BRI3BP: variants seen among roughly 807,000 people sequenced by gnomAD.
The protein encoded by BRI3BP is BRI3-binding protein.
A neutral mutation model predicts 15.8 loss-of-function variants in BRI3BP; 7 were observed. That is an observed-to-expected ratio of 0.44 (90% CI 0.25 to 0.83). BRI3BP has a LOEUF of 0.83. BRI3BP is among the 40% of genes least tolerant of loss of function. The probability of loss-of-function intolerance (pLI) is 0.20; values close to 1 mark genes in which losing one functional copy is unlikely to be tolerated. For missense variants in BRI3BP, 320 were observed against 339.3 expected (o/e 0.94, Z 0.45); for synonymous variants, 192 against 163.5 (o/e 1.17, Z -1.33).
At chr12:125,000,540 C>T (rs914720293) in intron 1 of BRI3BP, among the ~76,000 whole-genome samples, 2 of 150,996 alleles carry the variant, frequency 1.3e-5, no homozygotes, top group East Asian at 1.9e-4. Flanking sequence ...GTCTCGATCT[C>T]CTGACCTCAT....
Position 124,993,774 on chromosome 12 carries a change from C to G in BRI3BP, c.-17C>G. On this transcript the variant is annotated 5_prime_UTR_variant, in exon 1 of 3. Transcript: ENST00000341446. Reference sequence around the variant, plus strand: ...GCCCTCACCCCGCATCGCGACCCCGCGCCCCGCCGGCCGAGCATGGGCGCG... The same window carrying G: ...GCCCTCACCCCGCATCGCGACCCCGGGCCCCGCCGGCCGAGCATGGGCGCG... 9.9e-7 allele frequency: 1 copy of G among 1,009,692 alleles called. No homozygotes were observed. Among genetic ancestry groups the G allele is most frequent in the Non-Finnish European group, 1.2e-6 (1 of 848,580 alleles). The allele number at this position is 1,009,692 out of a possible 1,614,324, so 62.5% of individuals were successfully genotyped here. A position where few individuals can be genotyped will look rare whatever the true frequency, so the allele number is the denominator to read the frequency against.
At chr12:124,999,598 AT>A (rs1955067115) in intron 1 of BRI3BP, among the ~76,000 whole-genome samples, 1 of 143,274 alleles carries the variant, frequency 7.0e-6, no homozygotes, top group Non-Finnish European at 1.5e-5. Flanking sequence ...TAAGTTTTTT[AT>A]TTTTTATTTT....
chr12:124,994,056 G>A, intron 1 of BRI3BP, 53 bp downstream of exon 1: 6 of 1,151,848 alleles, frequency 5.2e-6, no homozygotes, highest in Non-Finnish European at 6.5e-6. Context: ...CCACGCACCT[G>A]GCTACCGGGG....
In BRI3BP at chr12:125,027,949, A is replaced by T. The variant is rs2136002476; in HGVS notation, c.*2519A>T. The T allele has an allele frequency of 6.6e-6, 1 of 152,260 alleles. No individual in the cohort carries two copies. Among genetic ancestry groups the T allele is most frequent in the East Asian group, 1.9e-4 (1 of 5,154 alleles). The allele number at this position is 152,260 out of a possible 1,614,324, so 9.4% of individuals were successfully genotyped here. ...TGATCCGCCCGCCTCGGCCTCCCAA[A>T]GTGCTGGGATTACAGGCGTGAGCCA... On this transcript the variant is annotated 3_prime_UTR_variant, in exon 3 of 3. Transcript: ENST00000341446.
At chr12:124,999,406 T>C (rs986586305) in intron 1 of BRI3BP, among the ~76,000 whole-genome samples, 1 of 152,086 alleles carries the variant, frequency 6.6e-6, no homozygotes, top group African/African-American at 2.4e-5. Context: ...TTTTGCACTA[T>C]GCGCACTGTT....
At position 125,022,518 on chromosome 12, in the gene BRI3BP, A is replaced by ATTAT. The variant is rs573464976; in HGVS notation, c.317-2450_317-2447dup. Among the ~76,000 whole-genome samples, 85 of 144,390 alleles carry ATTAT rather than the reference A, an allele frequency of 5.9e-4. 2 individuals are homozygous for ATTAT. The South Asian group carries it at 6.8e-3, about 12-fold the overall frequency. 94.7% of individuals were successfully genotyped at this position (144,390 alleles called of 152,430 possible). On this transcript the variant is annotated intron_variant, in intron 2 of 2. Coordinates refer to ENST00000341446, the MANE Select transcript of BRI3BP (RefSeq NM_080626.6). ...TGATGTTATATGGAATTGTTAATTT[A>ATTAT]TTATTTATTTATTTATTTATTTATT...
chr12:125,010,869 A>C (rs980193556), intron 1 of BRI3BP, among the ~76,000 whole-genome samples: 1 of 151,966 alleles, frequency 6.6e-6, no homozygotes. Flanking sequence ...CGGGGTGGGC[A>C]GATCACCTGA....
At chr12:125,033,013 C>T (rs1232408471), downstream of BRI3BP, among the ~76,000 whole-genome samples, 2 of 152,096 alleles carry the variant, frequency 1.3e-5, no homozygotes, top group Non-Finnish European at 2.9e-5. Flanking sequence ...CCCTTCTGCC[C>T]GCTGCCAATC....
At chr12:125,043,888 G>C in the BRI3BP span, among the ~76,000 whole-genome samples, 1 of 151,974 alleles carries the variant, frequency 6.6e-6, no homozygotes, top group Non-Finnish European at 1.5e-5. Context: ...AGCCAGGCGT[G>C]ATGGTGCACA....
At position 125,025,521 on chromosome 12, in the gene BRI3BP, T is replaced by G; in HGVS notation, c.*91T>G. 7.8e-7 allele frequency: 1 copy of G among 1,274,636 alleles called. No homozygotes were observed. The highest frequency in any genetic ancestry group is 1.1e-6 in the Non-Finnish European group (1 of 949,760). 79.0% of individuals were successfully genotyped at this position (1,274,636 alleles called of 1,614,324 possible). On this transcript the variant is annotated 3_prime_UTR_variant, in exon 3 of 3. Transcript: ENST00000341446. ...AAAAACCCCAAACCCCAAACAATCT[T>G]AATAAACACGACTGAGCAAGAAAGT...
downstream of BRI3BP, among the ~76,000 whole-genome samples, chr12:125,035,929 C>T (rs1328469295): frequency 6.6e-6 from 1 of 152,064 alleles, no homozygotes; most frequent in Non-Finnish European, 1.5e-5. Context: ...AAAATGATAA[C>T]ATGCATATAT....
Position 125,025,284 on chromosome 12 carries a change from T to C in BRI3BP, c.610T>C (p.Tyr204His). The change falls in exon 3 of 3, where the codon TAC becomes CAC. Residue 204 changes from tyrosine (Y) to histidine (H), a missense_variant. Coordinates refer to ENST00000341446, the MANE Select transcript of BRI3BP (RefSeq NM_080626.6). ...VYFMTGPMGF[Y>H]WRSSPSGPSN... ...CTTCATGACCGGGCCCATGGGCTTC[T>C]ACTGGCGAAGCAGTCCCAGCGGCCC... The C allele has an allele frequency of 1.9e-6, 3 of 1,614,110 alleles. No homozygotes were observed. The highest frequency in any genetic ancestry group is 2.5e-6 in the Non-Finnish European group (3 of 1,180,030).
chr12:125,038,902 C>T, the BRI3BP span, among the ~76,000 whole-genome samples: 1 of 152,064 alleles, frequency 6.6e-6, no homozygotes, highest in Non-Finnish European at 1.5e-5. Flanking sequence ...CCAGCCTGGC[C>T]AACATGGTGA....
Position 125,030,387 on chromosome 12 carries a change from A to C in BRI3BP, c.*4957A>C, listed in dbSNP as rs999860526. The C allele has an allele frequency of 5.3e-5, 8 of 152,258 alleles. No homozygotes were observed. The highest frequency in any genetic ancestry group is 8.8e-5 in the Non-Finnish European group (6 of 68,040). The allele number at this position is 152,258 out of a possible 1,614,324, so 9.4% of individuals were successfully genotyped here. A position where few individuals can be genotyped will look rare whatever the true frequency, so the allele number is the denominator to read the frequency against. ...GTTGGACTTTGACTCCTCACTTGTG[A>C]ATAATAGGAATATATTTTGCAGAAT... On this transcript the variant is annotated 3_prime_UTR_variant, in exon 3 of 3. Transcript: ENST00000341446.
At chr12:125,041,048 A>T in the BRI3BP span, among the ~76,000 whole-genome samples, 15 of 147,860 alleles carry the variant, frequency 1.0e-4, no homozygotes, top group South Asian at 2.8e-3. Context: ...GTTATTTTTT[A>T]TTTTTATTTT....
At chr12:125,050,514 A>G in the BRI3BP span, among the ~76,000 whole-genome samples, 7,495 of 152,390 alleles carry the variant, frequency 0.049, 255 homozygotes, top group Non-Finnish European at 0.079. Context: ...CAGTATAGAC[A>G]GAAGAGACCT....
At chr12:125,008,929 A>G (rs1282822944) in intron 1 of BRI3BP, among the ~76,000 whole-genome samples, 1 of 151,662 alleles carries the variant, frequency 6.6e-6, no homozygotes, top group African/African-American at 2.4e-5. Flanking sequence ...GGAACATGTA[A>G]CCTAGATCCC....
At chr12:125,032,769 AT>A (rs1955416279), downstream of BRI3BP, among the ~76,000 whole-genome samples, 1 of 152,240 alleles carries the variant, frequency 6.6e-6, no homozygotes, top group African/African-American at 2.4e-5. Flanking sequence ...GTGAGATCCT[AT>A]CTCAAAATAT....
intron 2 of BRI3BP, 104 bp from the exon 3 acceptor site, chr12:125,024,887 A>T: frequency 1.0e-6 from 1 of 987,068 alleles, no homozygotes; most frequent in Non-Finnish European, 1.5e-6. Flanking sequence ...GTTGTTGCAA[A>T]GGCCTTTTAA....
Sources: gnomAD v4.1 joint callset for allele counts (sites outside exome capture counted in the v4.1 genomes callset) on GRCh38, gnomAD v4.1.1 for gene constraint, MANE v1.5 for transcripts, NCBI Gene and HGNC (gene_info 2026-07-23, HGNC 2026-07-21) for gene names.